ESRRG: variants seen among roughly 807,000 people sequenced by gnomAD.
The protein encoded by ESRRG is estrogen-related receptor gamma.
ESRRG carries 13 observed loss-of-function variants against 44.0 expected under a neutral mutation model. That is an observed-to-expected ratio of 0.30 (90% CI 0.19 to 0.47). ESRRG has a LOEUF of 0.47. ESRRG is among the 20% of genes least tolerant of loss of function. ESRRG has a pLI of 1.00. For synonymous variants in ESRRG, 215 were observed against 214.6 expected, an observed-to-expected ratio of 1.00 and a Z score of -0.02; for missense variants, 395 against 580.6, an observed-to-expected ratio of 0.68 and a Z score of 3.29.
chr1:216,554,691 C>A (rs10442683), intron 5 of ESRRG, among the ~76,000 whole-genome samples: 48,619 of 151,860 alleles, frequency 0.32, 8,129 homozygotes, highest in Admixed American at 0.4. Context: ...GTCACTTTTG[C>A]TGTCAGTTAG....
At chr1:216,600,062 C>G (rs1035403193) in intron 3 of ESRRG, among the ~76,000 whole-genome samples, 1 of 152,222 alleles carries the variant, frequency 6.6e-6, no homozygotes, top group African/African-American at 2.4e-5. Flanking sequence ...AAGAATGCTT[C>G]ATGCTATGAT....
At chr1:216,643,036 C>T (rs576073493) in intron 3 of ESRRG, among the ~76,000 whole-genome samples, 4 of 152,246 alleles carry the variant, frequency 2.6e-5, no homozygotes, top group African/African-American at 9.6e-5. Flanking sequence ...AAGTAAGTTG[C>T]TCTTTGCTAC....
At chr1:216,794,953 A>G (rs574722826) in intron 2 of ESRRG, among the ~76,000 whole-genome samples, 1 of 152,314 alleles carries the variant, frequency 6.6e-6, no homozygotes, top group East Asian at 1.9e-4. Context: ...CTAGCTGACA[A>G]CTAAATACAG....
intron 1 of ESRRG, among the ~76,000 whole-genome samples, chr1:217,055,309 G>T (rs945842835): frequency 3.3e-5 from 5 of 152,098 alleles, no homozygotes; most frequent in Non-Finnish European, 5.9e-5. Context: ...CAATAAACAA[G>T]ATGTGGGGTT....
chr1:216,915,644 G>A (rs931061225), intron 2 of ESRRG, among the ~76,000 whole-genome samples: 4 of 152,104 alleles, frequency 2.6e-5, no homozygotes, highest in African/African-American at 7.2e-5. Context: ...AATCTGAACC[G>A]CTGTTACAGT....
chr1:216,879,031 C>A (rs547556644), intron 2 of ESRRG, among the ~76,000 whole-genome samples: 39 of 152,198 alleles, frequency 2.6e-4, no homozygotes, highest in Non-Finnish European at 4.1e-4. Context: ...AGCATGGAGG[C>A]CAAAGACTAC....
At chr1:217,020,585 A>G (rs953637762) in intron 1 of ESRRG, among the ~76,000 whole-genome samples, 1 of 152,182 alleles carries the variant, frequency 6.6e-6, no homozygotes, top group Admixed American at 6.5e-5. Flanking sequence ...TCAAAGATGA[A>G]AGCACAATTA....
chr1:216,828,300 G>A (rs2095430961), intron 2 of ESRRG, among the ~76,000 whole-genome samples: 1 of 152,066 alleles, frequency 6.6e-6, no homozygotes, highest in African/African-American at 2.4e-5. Flanking sequence ...GTTTTTGTTT[G>A]GTTGGTTTGG....
intron 5 of ESRRG, among the ~76,000 whole-genome samples, chr1:216,531,003 T>C (rs1039152863): frequency 6.6e-6 from 1 of 152,036 alleles, no homozygotes; most frequent in Admixed American, 6.6e-5. Context: ...GTCTTTAACA[T>C]ATGCCCTAGG....
At chr1:216,536,266 T>A (rs1233029382) in intron 5 of ESRRG, among the ~76,000 whole-genome samples, 1 of 152,128 alleles carries the variant, frequency 6.6e-6, no homozygotes, top group Non-Finnish European at 1.5e-5. Context: ...ATATTTCTGG[T>A]TTTTTACAGG....
chr1:216,654,669 G>T (rs959397236), intron 2 of ESRRG, among the ~76,000 whole-genome samples: 1 of 150,694 alleles, frequency 6.6e-6, no homozygotes, highest in Admixed American at 6.6e-5. Flanking sequence ...TTTTGAAATC[G>T]TCAACAGTAG....
chr1:217,102,590 A>T (rs1452829844), intron 1 of ESRRG, among the ~76,000 whole-genome samples: 1 of 152,196 alleles, frequency 6.6e-6, no homozygotes, highest in Admixed American at 6.5e-5. Context: ...TAAAAAGTTA[A>T]AATTTTTCAA....
At chr1:216,845,770 C>A (rs757144986) in intron 2 of ESRRG, among the ~76,000 whole-genome samples, 1 of 152,216 alleles carries the variant, frequency 6.6e-6, no homozygotes, top group African/African-American at 2.4e-5. Context: ...TTCTCCCAGT[C>A]GCTACTCTTA....
At chr1:216,952,998 T>C (rs1377526042) in intron 1 of ESRRG, among the ~76,000 whole-genome samples, 3 of 152,134 alleles carry the variant, frequency 2.0e-5, no homozygotes, top group African/African-American at 7.2e-5. Flanking sequence ...TGCATATGTA[T>C]ATGTATGTGG....
chr1:216,740,614 G>A (rs1246031183), intron 2 of ESRRG, among the ~76,000 whole-genome samples: 1 of 149,684 alleles, frequency 6.7e-6, no homozygotes, highest in Non-Finnish European at 1.5e-5. Context: ...GCCCTGCAAA[G>A]GAACGTGCTT....
chr1:216,642,445 A>G (rs1449949820), intron 3 of ESRRG, among the ~76,000 whole-genome samples: 3 of 152,084 alleles, frequency 2.0e-5, no homozygotes, highest in African/African-American at 7.2e-5. Flanking sequence ...ATCCGCACAT[A>G]AAATAACTTT....
chr1:216,547,139 G>T (rs1164330134), intron 5 of ESRRG, among the ~76,000 whole-genome samples: 3 of 151,912 alleles, frequency 2.0e-5, no homozygotes, highest in Non-Finnish European at 2.9e-5. Flanking sequence ...TATAGGAGAG[G>T]CCATCTTCAA....
intron 1 of ESRRG, among the ~76,000 whole-genome samples, chr1:217,109,774 T>A (rs1278104554): frequency 1.3e-5 from 2 of 152,034 alleles, no homozygotes; most frequent in East Asian, 3.9e-4. Context: ...ATGACATAGG[T>A]GAATGTGGCA....
chr1:216,526,680 A>C (rs1477682611), intron 5 of ESRRG, among the ~76,000 whole-genome samples: 2 of 152,224 alleles, frequency 1.3e-5, no homozygotes, highest in Non-Finnish European at 2.9e-5. Flanking sequence ...TGTCAATTGC[A>C]AACTGTGGAC....
Sources: gnomAD v4.1 joint callset for allele counts (sites outside exome capture counted in the v4.1 genomes callset) on GRCh38, gnomAD v4.1.1 for gene constraint, MANE v1.5 for transcripts, NCBI Gene and HGNC (gene_info 2026-07-23, HGNC 2026-07-21) for gene names.